The following PCDHGA6 variants were observed in gnomAD, a reference collection of about 807,000 sequenced individuals.
The protein encoded by PCDHGA6 is protocadherin gamma subfamily A, 6, also known as protocadherin gamma-A6.
Under a neutral mutation model 60.6 loss-of-function variants are expected in PCDHGA6, and 41 were observed. That is an observed-to-expected ratio of 0.68 (90% CI 0.53 to 0.88). The LOEUF (loss-of-function observed/expected upper bound fraction) is 0.88, where lower values mean the gene tolerates loss of function less well. Among genes scored for constraint, PCDHGA6 ranks in the 40% least tolerant of loss-of-function variants. The pLI, the probability that PCDHGA6 is intolerant of heterozygous loss-of-function variation, is 0.00. For missense variants in PCDHGA6, 1,312 were observed against 1,203.0 expected, an observed-to-expected ratio of 1.09 and a Z score of -1.34; for synonymous variants, 594 against 524.4, an observed-to-expected ratio of 1.13 and a Z score of -1.81.
chr5:141,456,884 A>G (rs1448469695), intron 1 of PCDHGA6, among the ~76,000 whole-genome samples: 1 of 151,974 alleles, frequency 6.6e-6, no homozygotes, highest in East Asian at 1.9e-4. Flanking sequence ...AATCGCTTGA[A>G]CCCGGGAGGC....
At chr5:141,413,056 T>A in intron 1 of PCDHGA6, 1 of 1,030,200 alleles carries the variant, frequency 9.7e-7, no homozygotes, top group East Asian at 2.6e-5. Flanking sequence ...GGAAGCTCAC[T>A]CCAGAATTTA....
Position 141,374,687 on chromosome 5 carries a change from C to A in PCDHGA6, c.604C>A (p.Arg202=). The change falls in exon 1 of 4, where the codon CGG becomes AGG. Residue 202 remains arginine (R), a synonymous_variant. Transcript: ENST00000517434. ...GCTGGTGCTGGAGGGCACACTGGAC[C>A]GGGAAGGAGAAGCCGTTTACCGCCT... ...PELVLEGTLD[R]EGEAVYRLVL... is the part of the protein sequence containing the mutation. 6.2e-7 allele frequency: 1 copy of A among 1,609,446 alleles called. No individual in the cohort carries two copies. Among genetic ancestry groups the A allele is most frequent in the Non-Finnish European group, 8.5e-7 (1 of 1,177,692 alleles).
At chr5:141,401,815 C>A (rs1217081146) in intron 1 of PCDHGA6, among the ~76,000 whole-genome samples, 1 of 152,184 alleles carries the variant, frequency 6.6e-6, no homozygotes, top group Non-Finnish European at 1.5e-5. Context: ...GGGTTCCTTA[C>A]AAAGTGCTGA....
intron 1 of PCDHGA6, chr5:141,428,158 G>A: frequency 6.3e-7 from 1 of 1,577,728 alleles, no homozygotes; most frequent in Non-Finnish European, 8.7e-7. Context: ...GGAACCTGCT[G>A]GTTGCTGTGC....
chr5:141,395,096 C>T (rs769366827), intron 1 of PCDHGA6: 4 of 1,614,068 alleles, frequency 2.5e-6, no homozygotes, highest in African/African-American at 2.7e-5. Flanking sequence ...CCCTCACCGC[C>T]GACTCGCGGA....
chr5:141,376,143 C>T lies in PCDHGA6; in HGVS notation c.2060C>T (p.Ser687Leu), dbSNP rs968258270. 1.9e-6 allele frequency: 3 copies of T among 1,613,858 alleles called. No individual in the cohort carries two copies. The highest frequency in any genetic ancestry group is 2.2e-5 in the East Asian group (1 of 44,892). The change falls in exon 1 of 4, where the codon TCG becomes TTG. Residue 687 changes from serine to leucine, a missense_variant. Transcript: ENST00000517434. ...GAGCCCTCCGCCAAACCCAACGATTCGGACCTCACTCTGTACCTGGTGGTG... is the reference window on the plus strand; with the variant it reads ...GAGCCCTCCGCCAAACCCAACGATTTGGACCTCACTCTGTACCTGGTGGTG... Reference protein sequence around the residue: ...SLEPSAKPNDSDLTLYLVVAV... With the variant: ...SLEPSAKPNDLDLTLYLVVAV...
rs61612330 is a variant in PCDHGA6, at chr5:141,454,796, A to ATTTTTTTTTTTTTTTTTTTTTTTTTT, written c.2425-40007_2425-39982dup. Among the ~76,000 whole-genome samples, 3 of 77,456 alleles carry ATTTTTTTTTTTTTTTTTTTTTTTTTT rather than the reference A, an allele frequency of 3.9e-5. 1 individual carries two copies. The highest frequency in any genetic ancestry group is 1.2e-4 in the African/African-American group (2 of 16,882). 50.8% of individuals were successfully genotyped at this position (77,456 alleles called of 152,430 possible). A position where few individuals can be genotyped will look rare whatever the true frequency, so the allele number is the denominator to read the frequency against. On this transcript the variant is annotated intron_variant, in intron 1 of 3. Transcript: ENST00000517434. Reference sequence around the variant, plus strand: ...AAGGAAATAATCCTCCATGGTTCTAATTTTTTTTTTTTTTTTTTTTTTTTT... The same window carrying ATTTTTTTTTTTTTTTTTTTTTTTTTT: ...AAGGAAATAATCCTCCATGGTTCTAATTTTTTTTTTTTTTTTTTTTTTTTTTTTTTTTTTTTTTTTTTTTTTTTTTT...
rs776132438 is a variant in PCDHGA6 at position 141,432,197 on chromosome 5, G to A, written c.2424+55690G>A. The A allele has an allele frequency of 2.5e-6, 4 of 1,614,112 alleles. No individual in the cohort carries two copies. The South Asian group carries it at 3.3e-5, about 13-fold the overall frequency. The stretch of plus-strand genomic sequence containing the variant: ...CGTCTCTGTGACCGCCCACGACCCC[G>A]ACTGTGAAGAGAACGCCCAGATCAC... On this transcript the variant is annotated intron_variant, in intron 1 of 3. Coordinates refer to ENST00000517434, the MANE Select transcript of PCDHGA6 (RefSeq NM_018919.3). The surrounding 1 kb of genome is among the most constrained non-coding windows in gnomAD (Gnocchi z 6.0).
In PCDHGA6 at chr5:141,487,930, G is replaced by T; in HGVS notation, c.2425-6877G>T. On this transcript the variant is annotated intron_variant, in intron 1 of 3. Coordinates refer to ENST00000517434, the MANE Select transcript of PCDHGA6 (RefSeq NM_018919.3). This position sits in a 1 kb window ranked among gnomAD's most constrained non-coding sequence, Gnocchi z 5.0. Reference sequence around the variant, plus strand: ...GAGCACAGGAGGCTACAGTGCACAGGGTACAGTGCACCAGGCAGTCACTTG... The same window carrying T: ...GAGCACAGGAGGCTACAGTGCACAGTGTACAGTGCACCAGGCAGTCACTTG... 2 of 613,220 alleles carry T rather than the reference G, an allele frequency of 3.3e-6. No homozygotes were observed. Among genetic ancestry groups the T allele is most frequent in the African/African-American group, 1.8e-5 (1 of 54,186 alleles). 38.0% of individuals were successfully genotyped at this position (613,220 alleles called of 1,614,324 possible).
At chr5:141,393,491 G>C in intron 1 of PCDHGA6, 1 of 1,614,026 alleles carries the variant, frequency 6.2e-7, no homozygotes, top group Non-Finnish European at 8.5e-7. Flanking sequence ...CTAGCACAGT[G>C]CGCATCCACG....
intron 1 of PCDHGA6, chr5:141,403,482 A>G (rs764737675): frequency 5.0e-6 from 8 of 1,613,774 alleles, no homozygotes; most frequent in Non-Finnish European, 6.8e-6. Context: ...CCCAATCACC[A>G]CTTCTCCCTG....
chr5:141,448,118 G>A (rs1356488538), intron 1 of PCDHGA6, among the ~76,000 whole-genome samples: 1 of 151,534 alleles, frequency 6.6e-6, no homozygotes, highest in East Asian at 1.9e-4. Flanking sequence ...AAGAAAATTA[G>A]CCTCCCCCAC....
rs532830928 is a variant in PCDHGA6 at position 141,473,487 on chromosome 5, A to G, written c.2425-21320A>G. Reference sequence around the variant, plus strand: ...TTGTGCCAAGTTCAATGGAAAAAATATAAGGTGTTCTGAGAGAGCATAACA... The same window carrying G: ...TTGTGCCAAGTTCAATGGAAAAAATGTAAGGTGTTCTGAGAGAGCATAACA... On this transcript the variant is annotated intron_variant, in intron 1 of 3. Coordinates refer to ENST00000517434, the MANE Select transcript of PCDHGA6 (RefSeq NM_018919.3). 2.0e-3 allele frequency among the ~76,000 whole-genome samples: 310 copies of G among 152,242 alleles called. 5 individuals carry two copies. The South Asian group carries it at 0.052, about 25-fold the overall frequency.
chr5:141,490,485 G>A lies in PCDHGA6; in HGVS notation c.2425-4322G>A. 3 of 1,614,202 alleles carry A rather than the reference G, an allele frequency of 1.9e-6. No individual in the cohort carries two copies. Among genetic ancestry groups the A allele is most frequent in the Middle Eastern group, 3.3e-4 (2 of 6,062 alleles). On this transcript the variant is annotated intron_variant, in intron 1 of 3. Coordinates refer to ENST00000517434, the MANE Select transcript of PCDHGA6 (RefSeq NM_018919.3). This position sits in a 1 kb window ranked among gnomAD's most constrained non-coding sequence, Gnocchi z 5.4. ...TAACCAGCCAGCCTTTGGACCGGGA[G>A]GCCACATCCCACTATATCATCGAGC... is the stretch of plus-strand genomic sequence containing the variant.
rs372202008 is a variant in PCDHGA6, at chr5:141,404,550, C to T, written c.2424+28043C>T. The stretch of plus-strand genomic sequence containing the variant: ...TTTAGAGATTTGCAAATGCAGGTGA[C>T]GGCAAGTGACAGTGGAAGCCCACCA... On this transcript the variant is annotated intron_variant, in intron 1 of 3. Coordinates refer to ENST00000517434, the MANE Select transcript of PCDHGA6 (RefSeq NM_018919.3). The T allele has an allele frequency of 2.8e-4, 448 of 1,613,648 alleles. 1 individual carries two copies. The highest frequency in any genetic ancestry group is 9.8e-4 in the South Asian group (89 of 91,080).
At chr5:141,382,679 C>G in intron 1 of PCDHGA6, 1 of 439,974 alleles carries the variant, frequency 2.3e-6, no homozygotes, top group South Asian at 6.8e-5. Flanking sequence ...GTTCACCAAC[C>G]AGGGAAAAAT....
chr5:141,490,103 C>T lies in PCDHGA6; in HGVS notation c.2425-4704C>T, dbSNP rs1012215533. ...TCTTTTGGAGACCACACATCTGAGG[C>T]AGTGCGGAACCTCTTTGGCCTAGAC... On this transcript the variant is annotated intron_variant, in intron 1 of 3. Coordinates refer to ENST00000517434, the MANE Select transcript of PCDHGA6 (RefSeq NM_018919.3). The surrounding 1 kb of genome is among the most constrained non-coding windows in gnomAD (Gnocchi z 5.4). The T allele has an allele frequency of 6.2e-7, 1 of 1,614,122 alleles. No homozygotes were observed. The highest frequency in any genetic ancestry group is 1.3e-5 in the African/African-American group (1 of 74,954).
chr5:141,421,569 C>T (rs1029858235), intron 1 of PCDHGA6: 2 of 1,613,884 alleles, frequency 1.2e-6, no homozygotes, highest in Non-Finnish European at 1.7e-6. Flanking sequence ...TGGAAGACAC[C>T]TTGAAGATTT....
Position 141,375,477 on chromosome 5 carries a change from A to G in PCDHGA6, c.1394A>G (p.Asn465Ser), listed in dbSNP as rs757005832. The G allele has an allele frequency of 8.2e-5, 132 of 1,613,680 alleles. No homozygotes were observed. Among genetic ancestry groups the G allele is most frequent in the Non-Finnish European group, 1.1e-4 (124 of 1,179,948 alleles). The change falls in exon 1 of 4, where the codon AAC becomes AGC. Residue 465 changes from asparagine to serine, a missense_variant. Transcript: ENST00000517434. Reference sequence around the variant, plus strand: ...TACTCAGTCTATGTCCTTGAAAACAACCCCAGGGGTGCCTCCATCTTCTCT... The same window carrying G: ...TACTCAGTCTATGTCCTTGAAAACAGCCCCAGGGGTGCCTCCATCTTCTCT... ...SSYSVYVLEN[N>S]PRGASIFSVN...
Sources: allele counts gnomAD v4.1 joint callset (sites outside exome capture counted in the v4.1 genomes callset), GRCh38; gene constraint gnomAD v4.1.1; non-coding constraint Gnocchi (gnomAD v3.1); transcripts MANE v1.5; gene names NCBI Gene and HGNC (gene_info 2026-07-23, HGNC 2026-07-21).